Variants in RGS8 observed in about 807,000 individuals in gnomAD.
RGS8 encodes regulator of G protein signaling 8.
In RGS8, 8 loss-of-function variants were observed where a neutral mutation model predicts 21.7. The ratio of observed to expected loss-of-function variants is 0.37; its 90% CI spans 0.22 to 0.66. The LOEUF (loss-of-function observed/expected upper bound fraction) is 0.66, where lower values mean the gene tolerates loss of function less well. Among genes scored for constraint, RGS8 ranks in the 30% least tolerant of loss-of-function variants. RGS8 has a pLI of 0.59. For missense variants in RGS8, 157 were observed against 217.9 expected (o/e 0.72, Z 1.76); for synonymous variants, 80 against 83.6 (o/e 0.96, Z 0.24).
the RGS8 span, among the ~76,000 whole-genome samples, chr1:182,737,998 C>T: frequency 2.6e-5 from 4 of 152,192 alleles, no homozygotes; most frequent in Non-Finnish European, 2.9e-5. Flanking sequence ...TCCAGTAAAG[C>T]CATTCCCAGA....
the RGS8 span, among the ~76,000 whole-genome samples, chr1:182,743,856 A>G: frequency 6.6e-6 from 1 of 152,226 alleles, no homozygotes; most frequent in African/African-American, 2.4e-5. Flanking sequence ...ACATACACAT[A>G]CCCACACACA....
intron 3 of RGS8, among the ~76,000 whole-genome samples, chr1:182,667,978 A>C (rs1330075906): frequency 6.6e-6 from 1 of 152,124 alleles, no homozygotes; most frequent in Non-Finnish European, 1.5e-5. Flanking sequence ...CACCACGCCC[A>C]GCTAGCCTCT....
chr1:182,729,825 CAAAG>C, the RGS8 span, among the ~76,000 whole-genome samples: 1 of 152,022 alleles, frequency 6.6e-6, no homozygotes, highest in Non-Finnish European at 1.5e-5. Flanking sequence ...AATTTAAACA[CAAAG>C]AAAAATTTTA....
At chr1:182,733,968 TG>T in the RGS8 span, 2 of 152,096 alleles carry the variant, frequency 1.3e-5, no homozygotes, top group African/African-American at 2.4e-5. Context: ...TTGCTCAGGC[TG>T]GGGTGCAGTG....
At chr1:182,697,822 T>C in the RGS8 span, among the ~76,000 whole-genome samples, 1 of 152,198 alleles carries the variant, frequency 6.6e-6, no homozygotes, top group African/African-American at 2.4e-5. Flanking sequence ...AAAACATAAT[T>C]CGTCTTTCAA....
At chr1:182,689,248 C>A (rs141903622), upstream of RGS8, among the ~76,000 whole-genome samples, 4 of 145,286 alleles carry the variant, frequency 2.8e-5, no homozygotes, top group Non-Finnish European at 5.9e-5. Context: ...CTCGTGCACG[C>A]GCACGCACAC....
chr1:182,741,750 G>A, the RGS8 span, among the ~76,000 whole-genome samples: 1 of 107,280 alleles, frequency 9.3e-6, no homozygotes, highest in East Asian at 2.6e-4. Context: ...GCTGGGCGGG[G>A]GGCTGACCCC....
chr1:182,671,984 C>A, upstream of RGS8: 2 of 1,245,078 alleles, frequency 1.6e-6, no homozygotes, highest in Admixed American at 6.6e-5. Flanking sequence ...GCACGCCCAT[C>A]CTCATTGGCA....
Position 182,660,318 on chromosome 1 carries a change from G to A in RGS8, c.193+5651C>T, listed in dbSNP as rs895660799. On this transcript the variant is annotated intron_variant, in intron 5 of 6. Coordinates refer to ENST00000483095, the Ensembl canonical transcript of RGS8. ...AAGTGACAGAAGGGGTTAGAAGCCT[G>A]TCCAGTTGTTTTCATTCATACCTTT... Among the ~76,000 whole-genome samples, 98 of 152,212 alleles carry A rather than the reference G, an allele frequency of 6.4e-4. 1 individual carries two copies. The highest frequency in any genetic ancestry group is 2.3e-3 in the African/African-American group (96 of 41,536).
In RGS8 at chr1:182,684,194, A is replaced by T. The variant is rs1664633709; in HGVS notation, n.221+162T>A. On this transcript the variant is annotated intron_variant and non_coding_transcript_variant, in intron 1 of 4. Transcript: ENST00000515211. The surrounding 1 kb of genome is among the most constrained non-coding windows in gnomAD (Gnocchi z 4.2). Reference sequence around the variant, plus strand: ...GCTCCTGGCGGAGGTGGCGGGCTTAATAGCTCTGAGGAGTCAGAGAGTAAA... The same window carrying T: ...GCTCCTGGCGGAGGTGGCGGGCTTATTAGCTCTGAGGAGTCAGAGAGTAAA... 6.6e-6 allele frequency among the ~76,000 whole-genome samples: 1 copy of T among 152,234 alleles called. No homozygotes were observed. Among genetic ancestry groups the T allele is most frequent in the Non-Finnish European group, 1.5e-5 (1 of 68,034 alleles).
At chr1:182,648,166 C>T in exon 6 of RGS8, 1 of 1,612,872 alleles carries the variant, frequency 6.2e-7, no homozygotes, top group Non-Finnish European at 8.5e-7. Context: ...TCCACAAACT[C>T]CTCAAAGATC....
chr1:182,706,767 T>A, the RGS8 span, among the ~76,000 whole-genome samples: 1 of 152,140 alleles, frequency 6.6e-6, no homozygotes, highest in Non-Finnish European at 1.5e-5. Flanking sequence ...TGCCTGGCCA[T>A]CCATGGGCTA....
the RGS8 span, among the ~76,000 whole-genome samples, chr1:182,717,563 A>C: frequency 6.6e-6 from 1 of 152,168 alleles, no homozygotes; most frequent in Non-Finnish European, 1.5e-5. Context: ...AAGAACTAAA[A>C]TTCTGGTGTT....
the RGS8 span, among the ~76,000 whole-genome samples, chr1:182,726,745 G>A: frequency 2.0e-5 from 3 of 152,034 alleles, no homozygotes; most frequent in African/African-American, 4.8e-5. Flanking sequence ...AGAAAGTAAT[G>A]CACTACTTAA....
At chr1:182,677,689 C>T (rs1302130927), upstream of RGS8, among the ~76,000 whole-genome samples, 1 of 152,216 alleles carries the variant, frequency 6.6e-6, no homozygotes, top group East Asian at 1.9e-4. Flanking sequence ...TTTGTCTCCT[C>T]ACTGCTCACT....
At chr1:182,690,011 A>G in the RGS8 span, among the ~76,000 whole-genome samples, 1 of 152,264 alleles carries the variant, frequency 6.6e-6, no homozygotes, top group South Asian at 2.1e-4. Flanking sequence ...CATAGGCAGA[A>G]TGTGGGCTCT....
chr1:182,707,037 T>TAA, the RGS8 span, among the ~76,000 whole-genome samples: 1 of 151,950 alleles, frequency 6.6e-6, no homozygotes, highest in Non-Finnish European at 1.5e-5. Context: ...GGGGTGCCTA[T>TAA]AATCCCAGCT....
At chr1:182,743,855 T>A in the RGS8 span, among the ~76,000 whole-genome samples, 2 of 152,162 alleles carry the variant, frequency 1.3e-5, no homozygotes, top group East Asian at 3.9e-4. Context: ...TACATACACA[T>A]ACCCACACAC....
chr1:182,728,483 GGATAATGT>G, the RGS8 span, among the ~76,000 whole-genome samples: 1 of 152,128 alleles, frequency 6.6e-6, no homozygotes, highest in South Asian at 2.1e-4. Flanking sequence ...TGAGCAATAT[GGATAATGT>G]CAATGAAATC....
Sources: gnomAD v4.1 joint callset for allele counts (sites outside exome capture counted in the v4.1 genomes callset) on GRCh38, gnomAD v4.1.1 for gene constraint, Gnocchi (gnomAD v3.1) non-coding constraint, MANE v1.5 for transcripts, NCBI Gene and HGNC (gene_info 2026-07-23, HGNC 2026-07-21) for gene names.